PCDH7: variants seen among roughly 807,000 people sequenced by gnomAD.
PCDH7 encodes the protein protocadherin 7.
In PCDH7, 17 loss-of-function variants were observed where a neutral mutation model predicts 58.9. The ratio of observed to expected loss-of-function variants is 0.29; its 90% CI spans 0.20 to 0.43. The LOEUF is 0.43. Among genes scored for constraint, PCDH7 ranks in the 20% least tolerant of loss-of-function variants. The pLI, the probability that PCDH7 is intolerant of heterozygous loss-of-function variation, is 1.00. For synonymous variants in PCDH7, 664 were observed against 616.4 expected, an observed-to-expected ratio of 1.08 and a Z score of -1.14; for missense variants, 1,274 against 1,441.0, an observed-to-expected ratio of 0.88 and a Z score of 1.88.
In PCDH7 at chr4:30,820,665, T is replaced by A. The variant is rs181253685; in HGVS notation, c.70+96069T>A. On this transcript the variant is annotated intron_variant, in intron 1 of 3. Transcript: ENST00000509759. ...GAATATGTAGGTCACAACCATCACATCATATATAAATGATGATCAGACTAT... is the reference window on the plus strand; with the variant it reads ...GAATATGTAGGTCACAACCATCACAACATATATAAATGATGATCAGACTAT... Among the ~76,000 whole-genome samples the A allele has an allele frequency of 1.6e-4, 24 of 152,114 alleles. No homozygotes were observed. In the East Asian group the frequency reaches 4.7e-3, roughly 29 times the overall value.
At chr4:30,893,435 A>G (rs1738873832) in intron 1 of PCDH7, among the ~76,000 whole-genome samples, 1 of 152,108 alleles carries the variant, frequency 6.6e-6, no homozygotes, top group Non-Finnish European at 1.5e-5. Context: ...TCAAAGTATC[A>G]CCAAATATCA....
At chr4:30,824,083 CTTTCTTTCTTTCTT>C (rs1560407506) in intron 1 of PCDH7, among the ~76,000 whole-genome samples, 40 of 10,860 alleles carry the variant, frequency 3.7e-3, no homozygotes, top group African/African-American at 0.017. Flanking sequence ...GGTTTCTTTT[CTTTCTTTCTTTCTT>C]TCTTTCTTTC....
At chr4:31,017,435 T>C (rs1409044608) in intron 3 of PCDH7, among the ~76,000 whole-genome samples, 1 of 152,166 alleles carries the variant, frequency 6.6e-6, no homozygotes, top group African/African-American at 2.4e-5. Context: ...GATGGGAGGA[T>C]CTAAACAGTT....
intron 3 of PCDH7, among the ~76,000 whole-genome samples, chr4:30,980,311 A>G (rs1319106740): frequency 6.6e-6 from 1 of 152,218 alleles, no homozygotes; most frequent in East Asian, 1.9e-4. Flanking sequence ...ATGCTACATC[A>G]TTATCAAAAC....
intron 3 of PCDH7, among the ~76,000 whole-genome samples, chr4:31,035,888 T>G (rs1473648405): frequency 6.6e-6 from 1 of 152,204 alleles, no homozygotes; most frequent in Non-Finnish European, 1.5e-5. Context: ...TTTAGAAATA[T>G]ATTTATGGTA....
At chr4:30,907,964 C>A (rs1293766202) in intron 1 of PCDH7, among the ~76,000 whole-genome samples, 1 of 152,058 alleles carries the variant, frequency 6.6e-6, no homozygotes, top group Non-Finnish European at 1.5e-5. Flanking sequence ...ATGGATGAAG[C>A]TGGAAACCAT....
intron 1 of PCDH7, among the ~76,000 whole-genome samples, chr4:30,894,478 A>ATAT (rs1739038389): frequency 1.9e-5 from 1 of 53,436 alleles, no homozygotes; most frequent in African/African-American, 8.3e-5. Context: ...AAAAAAAAAA[A>ATAT]AAAAAAAAAA....
intron 1 of PCDH7, among the ~76,000 whole-genome samples, chr4:30,751,643 C>G (rs1718537461): frequency 6.6e-6 from 1 of 152,028 alleles, no homozygotes; most frequent in Admixed American, 6.6e-5. Flanking sequence ...TGCATGGTCT[C>G]TGAAAAGTTT....
intron 3 of PCDH7, among the ~76,000 whole-genome samples, chr4:30,967,911 G>A (rs181636787): frequency 1.1e-4 from 17 of 152,100 alleles, no homozygotes; most frequent in Middle Eastern, 3.4e-3. Flanking sequence ...TAGCAGAGCT[G>A]ATATCATAAC....
intron 1 of PCDH7, among the ~76,000 whole-genome samples, chr4:30,820,436 T>C (rs182434082): frequency 8.5e-5 from 13 of 152,282 alleles, no homozygotes; most frequent in African/African-American, 3.1e-4. Flanking sequence ...AGAGTCTGAT[T>C]GGACAAGGAG....
chr4:30,722,670 A>C lies in PCDH7; in HGVS notation c.1248A>C (p.Glu416Asp). ...AGAACGACAACGTGCCGTCCATTGA[A>C]ATCCGCAAGATTGGGCGCATCCCCC... is the stretch of plus-strand genomic sequence containing the variant. The change falls in exon 1 of 2, where the codon GAA becomes GAC. Residue 416 changes from glutamate (E) to aspartate (D), a missense_variant. By Grantham distance (45) the Glu-to-Asp change is conservative. Around this residue, in one of 3 missense-constraint regions of PCDH7, gnomAD observed 731 missense variants for 881.9 expected, o/e 0.83. Coordinates refer to ENST00000361762, the Ensembl canonical transcript of PCDH7. This position sits in a 1 kb window ranked among gnomAD's most constrained non-coding sequence, Gnocchi z 7.6. 1 of 1,613,588 alleles carries C rather than the reference A, an allele frequency of 6.2e-7. No homozygotes were observed. The highest frequency in any genetic ancestry group is 8.5e-7 in the Non-Finnish European group (1 of 1,180,022).
At chr4:30,968,622 T>C (rs79503862) in intron 3 of PCDH7, among the ~76,000 whole-genome samples, 1,742 of 152,006 alleles carry the variant, frequency 0.011, 32 homozygotes, top group African/African-American at 0.039. Context: ...ATTTTAATCA[T>C]TGAATTTTGA....
intron 3 of PCDH7, among the ~76,000 whole-genome samples, chr4:31,097,743 C>G (rs982081879): frequency 1.3e-5 from 2 of 150,494 alleles, no homozygotes; most frequent in Non-Finnish European, 3.0e-5. Flanking sequence ...AATTTAAAAA[C>G]CAGCTAGCTT....
At chr4:31,044,077 A>T (rs1000895362) in intron 3 of PCDH7, among the ~76,000 whole-genome samples, 2 of 152,144 alleles carry the variant, frequency 1.3e-5, no homozygotes, top group East Asian at 1.9e-4. Context: ...TCTTAGGGAC[A>T]ACTTCTGTTT....
intron 3 of PCDH7, among the ~76,000 whole-genome samples, chr4:31,052,880 A>G (rs1756871303): frequency 6.6e-6 from 1 of 152,200 alleles, no homozygotes; most frequent in Non-Finnish European, 1.5e-5. Context: ...AGAGATTTTC[A>G]TAAATTATTT....
chr4:30,839,562 G>C (rs530175610), intron 1 of PCDH7, among the ~76,000 whole-genome samples: 1 of 152,062 alleles, frequency 6.6e-6, no homozygotes, highest in African/African-American at 2.4e-5. Flanking sequence ...CCTGTGATGA[G>C]AGAAATGTAA....
At chr4:30,975,209 C>G (rs1749969557) in intron 3 of PCDH7, among the ~76,000 whole-genome samples, 1 of 146,450 alleles carries the variant, frequency 6.8e-6, no homozygotes, top group Non-Finnish European at 1.5e-5. Context: ...AATCTCCTAC[C>G]AAAAACTTAA....
At chr4:30,882,257 ATCTTCATCTTTGTCTTCT>A (rs1249050750) in intron 1 of PCDH7, among the ~76,000 whole-genome samples, 1 of 139,634 alleles carries the variant, frequency 7.2e-6, no homozygotes, top group Non-Finnish European at 1.5e-5. Flanking sequence ...CTTTGTCTTC[ATCTTCATCTTTGTCTTCT>A]TCTTGGAGAA....
chr4:30,880,686 CA>C (rs925963068), intron 1 of PCDH7, among the ~76,000 whole-genome samples: 2 of 152,106 alleles, frequency 1.3e-5, no homozygotes, highest in Non-Finnish European at 2.9e-5. Context: ...CATCAAAACT[CA>C]AAAAGGCCAA....
Sources: gnomAD v4.1 joint callset for allele counts (sites outside exome capture counted in the v4.1 genomes callset) on GRCh38, gnomAD v4.1.1 for gene constraint, gnomAD v4.1.1 regional missense constraint, Gnocchi (gnomAD v3.1) non-coding constraint, MANE v1.5 for transcripts, NCBI Gene and HGNC (gene_info 2026-07-23, HGNC 2026-07-21) for gene names.